The following PRCP variants were observed in gnomAD, a reference collection of about 807,000 sequenced individuals.
The protein encoded by PRCP is lysosomal Pro-X carboxypeptidase.
PRCP carries 46 observed loss-of-function variants against 54.2 expected under a neutral mutation model. That is an observed-to-expected ratio of 0.85 (90% CI 0.67 to 1.09). The LOEUF (loss-of-function observed/expected upper bound fraction) is 1.09. Among genes scored for constraint, PRCP ranks in the 50% least tolerant of loss-of-function variants. The pLI is 0.00. For missense variants in PRCP, 613 were observed against 596.8 expected (o/e 1.03, Z -0.28); for synonymous variants, 240 against 212.2 (o/e 1.13, Z -1.14).
At chr11:82,866,733 T>A (rs971001736) in intron 1 of PRCP, among the ~76,000 whole-genome samples, 14 of 152,154 alleles carry the variant, frequency 9.2e-5, no homozygotes, top group African/African-American at 3.4e-4. Context: ...TTAATTTTTT[T>A]TTTTTTGAGC....
chr11:82,856,505 T>C (rs1859084314), intron 2 of PRCP, among the ~76,000 whole-genome samples: 1 of 152,176 alleles, frequency 6.6e-6, no homozygotes, highest in South Asian at 2.1e-4. Flanking sequence ...CAATAGACAC[T>C]GCATGACTAC....
intron 1 of PRCP, chr11:82,884,774 G>A (rs1859828207): frequency 6.2e-7 from 1 of 1,607,540 alleles, no homozygotes; most frequent in African/African-American, 1.3e-5. Flanking sequence ...CCAAGTTCAT[G>A]GCTTTCAGCT....
chr11:82,878,804 T>C (rs1565232792), intron 1 of PRCP, among the ~76,000 whole-genome samples: 1 of 152,178 alleles, frequency 6.6e-6, no homozygotes, highest in Non-Finnish European at 1.5e-5. Flanking sequence ...CTTATGAAGT[T>C]TAGTTTGGCT....
At chr11:82,887,527 A>G (rs1169616920) in intron 1 of PRCP, among the ~76,000 whole-genome samples, 1 of 152,214 alleles carries the variant, frequency 6.6e-6, no homozygotes, top group Non-Finnish European at 1.5e-5. Flanking sequence ...TACTATGTCA[A>G]CTATCATAGA....
chr11:82,847,745 C>A (rs1226111044), intron 6 of PRCP, among the ~76,000 whole-genome samples: 2 of 151,958 alleles, frequency 1.3e-5, no homozygotes, highest in Admixed American at 6.6e-5. Context: ...GGCAGGCACC[C>A]CTATGCCCTG....
intron 8 of PRCP, among the ~76,000 whole-genome samples, chr11:82,834,905 T>A (rs1858481771): frequency 6.6e-6 from 1 of 152,140 alleles, no homozygotes; most frequent in Non-Finnish European, 1.5e-5. Context: ...TGAAACCCCA[T>A]CTCTACTAAA....
chr11:82,884,990 C>A, intron 1 of PRCP: 1 of 1,444,402 alleles, frequency 6.9e-7, no homozygotes, highest in South Asian at 1.4e-5. Context: ...TCAATATTGT[C>A]ATGTGAAAGA....
chr11:82,889,022 A>G (rs1481612692), intron 1 of PRCP, among the ~76,000 whole-genome samples: 1 of 127,504 alleles, frequency 7.8e-6, no homozygotes, highest in East Asian at 1.9e-4. Context: ...GTGCCATAAA[A>G]GTACAAAAAA....
At chr11:82,836,511 A>T (rs1858529361) in intron 8 of PRCP, 1 of 151,762 alleles carries the variant, frequency 6.6e-6, no homozygotes, top group South Asian at 2.1e-4. Context: ...CATTTCTTTC[A>T]TTTTTTTTTG....
At position 82,860,017 on chromosome 11, in the gene PRCP, G is replaced by A; in HGVS notation, c.269C>T (p.Thr90Ile). The A allele has an allele frequency of 6.3e-7, 1 of 1,590,982 alleles. No homozygotes were observed. The change falls in exon 2 of 9, where the codon ACT becomes ATT. Residue 90 changes from threonine to isoleucine, a missense_variant. Physicochemically the swap from Thr to Ile is moderately conservative, Grantham distance 89. Transcript: ENST00000313010. ...KKNGGSILFY[T>I]GNEGDIIWFC... ...CCAGATAATGTCCCCTTCATTACCA[G>A]TGTAGAAAAGTATTGATCCACCATT...
chr11:82,847,259 T>C (rs973483315), intron 6 of PRCP, among the ~76,000 whole-genome samples: 9 of 152,214 alleles, frequency 5.9e-5, no homozygotes, highest in Admixed American at 2.0e-4. Flanking sequence ...TTAAATCTGA[T>C]AGATGTCACC....
At chr11:82,893,931 C>A (rs536469403) in intron 1 of PRCP, among the ~76,000 whole-genome samples, 1 of 152,278 alleles carries the variant, frequency 6.6e-6, no homozygotes, top group Admixed American at 6.5e-5. Flanking sequence ...TTGAAGCTTT[C>A]AATAAATGGT....
At chr11:82,858,251 G>A (rs960879521) in intron 2 of PRCP, 4 of 152,168 alleles carry the variant, frequency 2.6e-5, no homozygotes, top group Admixed American at 2.6e-4. Flanking sequence ...TTTAACAGAT[G>A]AGAAAACTGA....
At chr11:82,882,619 C>G (rs1480457177) in intron 1 of PRCP, among the ~76,000 whole-genome samples, 1 of 149,328 alleles carries the variant, frequency 6.7e-6, no homozygotes, top group African/African-American at 2.5e-5. Flanking sequence ...CCTCAGCCTC[C>G]CAAGTAGCTG....
At chr11:82,843,989 G>GA (rs36057569) in intron 6 of PRCP, among the ~76,000 whole-genome samples, 47,252 of 129,872 alleles carry the variant, frequency 0.36, 8,732 homozygotes, top group Non-Finnish European at 0.43. Context: ...TCTGATGTGG[G>GA]AAAAAAAAAA....
chr11:82,836,895 G>A (rs551671644), intron 8 of PRCP: 11 of 386,534 alleles, frequency 2.8e-5, no homozygotes, highest in Admixed American at 6.0e-5. Flanking sequence ...TTCTACAGAC[G>A]GTAATAACCA....
intron 1 of PRCP, among the ~76,000 whole-genome samples, chr11:82,889,410 AGGAGGAGGGATGGAG>A (rs1859947852): frequency 6.6e-6 from 1 of 151,392 alleles, no homozygotes; most frequent in African/African-American, 2.4e-5. Context: ...AAGAAGGAGA[AGGAGGAGGGATGGAG>A]GAAGGAGGGG....
At chr11:82,870,186 A>G (rs1234272838) in intron 1 of PRCP, among the ~76,000 whole-genome samples, 1 of 152,282 alleles carries the variant, frequency 6.6e-6, no homozygotes, top group Non-Finnish European at 1.5e-5. Flanking sequence ...TGTAAAATGT[A>G]CAACATAGCA....
chr11:82,855,401 A>G (rs1403144789), intron 2 of PRCP, among the ~76,000 whole-genome samples: 1 of 151,738 alleles, frequency 6.6e-6, no homozygotes, highest in African/African-American at 2.4e-5. Flanking sequence ...GGCGGATCAC[A>G]AGGTCAGGAG....
Sources: gnomAD v4.1 joint callset for allele counts (sites outside exome capture counted in the v4.1 genomes callset) on GRCh38, gnomAD v4.1.1 for gene constraint, MANE v1.5 for transcripts, NCBI Gene and HGNC (gene_info 2026-07-23, HGNC 2026-07-21) for gene names.